Variants in SLC8A1 observed in about 807,000 individuals in gnomAD.
SLC8A1 encodes the protein sodium/calcium exchanger 1.
SLC8A1 carries 18 observed loss-of-function variants against 68.3 expected under a neutral mutation model. The observed-to-expected ratio is 0.26, with a 90% CI of 0.18 to 0.39. SLC8A1 has a LOEUF of 0.39. SLC8A1 is among the 10% of genes least tolerant of loss of function. The pLI is 1.00. For synonymous variants in SLC8A1, 475 were observed against 415.5 expected, an observed-to-expected ratio of 1.14 and a Z score of -1.74; for missense variants, 985 against 1,156.7, an observed-to-expected ratio of 0.85 and a Z score of 2.15.
chr2:40,417,147 G>A (rs910612319), intron 2 of SLC8A1, among the ~76,000 whole-genome samples: 4 of 151,968 alleles, frequency 2.6e-5, no homozygotes, highest in South Asian at 2.1e-4. Flanking sequence ...ATGACCAATT[G>A]TTATTTTTAC....
intron 2 of SLC8A1, among the ~76,000 whole-genome samples, chr2:40,299,509 T>C (rs2071033185): frequency 6.8e-6 from 1 of 146,696 alleles, no homozygotes; most frequent in Admixed American, 6.8e-5. Context: ...TGAAACTGGA[T>C]GTGACGTTAG....
chr2:40,420,064 T>C (rs1391370107), intron 2 of SLC8A1, among the ~76,000 whole-genome samples: 1 of 152,168 alleles, frequency 6.6e-6, no homozygotes, highest in African/African-American at 2.4e-5. Flanking sequence ...GAATTTTTTG[T>C]TTGTTCTTGT....
chr2:40,102,975 A>G (rs1198212107), exon 8 of SLC8A1: 1 of 152,178 alleles, frequency 6.6e-6, no homozygotes, highest in Non-Finnish European at 1.5e-5. Context: ...AATATTAGCT[A>G]TTTTAATTTT....
intron 2 of SLC8A1, among the ~76,000 whole-genome samples, chr2:40,413,390 G>C (rs1202889582): frequency 6.6e-6 from 1 of 152,044 alleles, no homozygotes; most frequent in Non-Finnish European, 1.5e-5. Context: ...AAAAAAATGT[G>C]GCACATATAC....
intron 1 of SLC8A1, among the ~76,000 whole-genome samples, chr2:40,473,592 G>T (rs1392439558): frequency 6.6e-6 from 1 of 152,126 alleles, no homozygotes; most frequent in East Asian, 1.9e-4. Context: ...AGTGTGTCTG[G>T]CCCATAAATA....
intron 1 of SLC8A1, among the ~76,000 whole-genome samples, chr2:40,494,768 A>C (rs946467866): frequency 5.4e-5 from 8 of 148,882 alleles, no homozygotes; most frequent in African/African-American, 2.0e-4. Context: ...TAATGGATGT[A>C]ATTTCTGTCA....
At chr2:40,205,326 T>A (rs986318166) in intron 2 of SLC8A1, among the ~76,000 whole-genome samples, 8 of 152,160 alleles carry the variant, frequency 5.3e-5, no homozygotes, top group African/African-American at 1.4e-4. Context: ...CTCTAGCCTA[T>A]TGACCCATTT....
At chr2:40,245,606 A>G (rs756048313) in intron 2 of SLC8A1, among the ~76,000 whole-genome samples, 1 of 152,158 alleles carries the variant, frequency 6.6e-6, no homozygotes, top group Non-Finnish European at 1.5e-5. Flanking sequence ...GAACCACTGA[A>G]TTTAGCAAAA....
At chr2:40,152,533 C>T (rs561014556) in intron 6 of SLC8A1, among the ~76,000 whole-genome samples, 3 of 151,306 alleles carry the variant, frequency 2.0e-5, no homozygotes, top group East Asian at 1.9e-4. Flanking sequence ...GCCTCCCTAG[C>T]GGCTGGGATT....
exon 2 of SLC8A1, chr2:40,430,224 C>G (rs1697943024): frequency 6.2e-7 from 1 of 1,613,526 alleles, no homozygotes; most frequent in Non-Finnish European, 8.5e-7. Flanking sequence ...CAGTAACTAA[C>G]AGATGAAATC....
chr2:40,506,585 AG>A (rs1346795553), intron 1 of SLC8A1, among the ~76,000 whole-genome samples: 1 of 151,828 alleles, frequency 6.6e-6, no homozygotes, highest in East Asian at 1.9e-4. Flanking sequence ...AAATTACTCT[AG>A]TTTATTGTTG....
exon 8 of SLC8A1, chr2:40,101,620 G>T (rs1425914235): frequency 3.9e-5 from 6 of 152,042 alleles, no homozygotes; most frequent in Non-Finnish European, 7.4e-5. Context: ...AAGTCTGAAT[G>T]GTGGACATAT....
At chr2:40,217,523 G>A (rs1420662284) in intron 2 of SLC8A1, among the ~76,000 whole-genome samples, 1 of 152,018 alleles carries the variant, frequency 6.6e-6, no homozygotes, top group Non-Finnish European at 1.5e-5. Context: ...TACACTCAAG[G>A]TTTTCTTTCT....
At chr2:40,456,174 G>A (rs1262662864), upstream of SLC8A1, among the ~76,000 whole-genome samples, 2 of 152,040 alleles carry the variant, frequency 1.3e-5, no homozygotes, top group African/African-American at 2.4e-5. Flanking sequence ...AAATTAGCCG[G>A]GCGTGGTGGC....
chr2:40,284,446 A>G (rs1029296124), intron 2 of SLC8A1, among the ~76,000 whole-genome samples: 3 of 142,780 alleles, frequency 2.1e-5, no homozygotes, highest in Admixed American at 2.1e-4. Flanking sequence ...TCTATATATA[A>G]ATGTATATCT....
At chr2:40,342,022 A>G (rs1311226652) in intron 2 of SLC8A1, among the ~76,000 whole-genome samples, 1 of 152,112 alleles carries the variant, frequency 6.6e-6, no homozygotes, top group African/African-American at 2.4e-5. Context: ...CTATAGACCT[A>G]ATCAAAGGTT....
intron 2 of SLC8A1, among the ~76,000 whole-genome samples, chr2:40,401,220 C>A (rs561403770): frequency 6.6e-6 from 1 of 152,290 alleles, no homozygotes; most frequent in South Asian, 2.1e-4. Flanking sequence ...GTGTTATCTT[C>A]CAAACACCAT....
chr2:40,131,341 C>A (rs1411603057), intron 7 of SLC8A1, among the ~76,000 whole-genome samples: 4 of 152,328 alleles, frequency 2.6e-5, no homozygotes, highest in Admixed American at 2.0e-4. Flanking sequence ...AGGCTGTTAA[C>A]TGTCAATCTA....
chr2:40,167,514 T>C (rs2046751082), intron 4 of SLC8A1, among the ~76,000 whole-genome samples: 1 of 152,186 alleles, frequency 6.6e-6, no homozygotes, highest in South Asian at 2.1e-4. Flanking sequence ...CAAAGCAGTA[T>C]GGGAATGACA....
Sources: gnomAD v4.1 joint callset for allele counts (sites outside exome capture counted in the v4.1 genomes callset) on GRCh38, gnomAD v4.1.1 for gene constraint, MANE v1.5 for transcripts, NCBI Gene and HGNC (gene_info 2026-07-23, HGNC 2026-07-21) for gene names.